The following ATF7 variants were observed in gnomAD, a reference collection of about 807,000 sequenced individuals.
ATF7 encodes activating transcription factor 7.
In ATF7, 10 loss-of-function variants were observed where a neutral mutation model predicts 50.4. The observed-to-expected ratio is 0.20, with a 90% confidence interval of 0.12 to 0.34. The LOEUF is 0.34. Among genes scored for constraint, ATF7 ranks in the 10% least tolerant of loss-of-function variants. The pLI is 1.00. For synonymous variants in ATF7, 201 were observed against 226.4 expected, an observed-to-expected ratio of 0.89 and a Z score of 1.01; for missense variants, 465 against 613.9, an observed-to-expected ratio of 0.76 and a Z score of 2.56.
intron 2 of ATF7, among the ~76,000 whole-genome samples, chr12:53,578,252 T>C (rs1362795820): frequency 6.6e-6 from 1 of 151,176 alleles, no homozygotes; most frequent in Non-Finnish European, 1.5e-5. Context: ...CGTGTACCTA[T>C]AGTCCTAGCT....
chr12:53,580,663 CA>C (rs539252431), intron 2 of ATF7, among the ~76,000 whole-genome samples: 3,649 of 37,706 alleles, frequency 0.097, 46 homozygotes, highest in East Asian at 0.28. Context: ...GACTCCATCT[CA>C]AAAAAAAAAA....
Position 53,552,780 on chromosome 12 carries a change from G to A in ATF7, c.49-143C>T. 3 of 664,160 alleles carry A rather than the reference G, an allele frequency of 4.5e-6. No individual in the cohort carries two copies. In the South Asian group the frequency reaches 5.4e-5, roughly 12 times the overall value. The allele number at this position is 664,160 out of a possible 1,614,324, so 41.1% of individuals were successfully genotyped here. On this transcript the variant is annotated intron_variant, in intron 2 of 11. Transcript: ENST00000420353. Reference sequence around the variant, plus strand: ...GGAGAGGGAGAAAAAACTGGAAGAGGAGAAGAGATGGAGAAAAAAGGGTGC... The same window carrying A: ...GGAGAGGGAGAAAAAACTGGAAGAGAAGAAGAGATGGAGAAAAAAGGGTGC...
At chr12:53,548,969 A>G (rs1210912090) in intron 3 of ATF7, among the ~76,000 whole-genome samples, 1 of 152,054 alleles carries the variant, frequency 6.6e-6, no homozygotes, top group Non-Finnish European at 1.5e-5. Flanking sequence ...TGAGCAACAG[A>G]GCAAGTCTCT....
chr12:53,616,595 C>T (rs2137915156), intron 1 of ATF7, among the ~76,000 whole-genome samples: 1 of 152,220 alleles, frequency 6.6e-6, no homozygotes, highest in South Asian at 2.1e-4. Flanking sequence ...AAACTTTATG[C>T]ACATTCTGGT....
intron 4 of ATF7, among the ~76,000 whole-genome samples, chr12:53,542,107 G>GTTTT (rs1199418506): frequency 3.9e-5 from 4 of 101,450 alleles, no homozygotes; most frequent in Admixed American, 2.4e-4. Flanking sequence ...CGCCTGGCCT[G>GTTTT]TTTTTTTTTT....
intron 9 of ATF7, among the ~76,000 whole-genome samples, chr12:53,529,572 C>A (rs1938718183): frequency 6.7e-6 from 1 of 149,728 alleles, no homozygotes; most frequent in Non-Finnish European, 1.5e-5. Context: ...TCTTGACCTG[C>A]CTTGGCCTCC....
chr12:53,510,062 G>A (rs1489086099), downstream of ATF7, among the ~76,000 whole-genome samples: 7 of 148,190 alleles, frequency 4.7e-5, no homozygotes, highest in Non-Finnish European at 8.9e-5. Flanking sequence ...TTTTTGAGAC[G>A]GAGTTTTGCT....
chr12:53,613,964 G>A (rs1215401154), intron 1 of ATF7, among the ~76,000 whole-genome samples: 1 of 151,954 alleles, frequency 6.6e-6, no homozygotes, highest in Non-Finnish European at 1.5e-5. Flanking sequence ...TGGATTTCAA[G>A]CTCAGACATG....
intron 2 of ATF7, among the ~76,000 whole-genome samples, chr12:53,560,735 C>G (rs1053585545): frequency 2.0e-5 from 3 of 152,062 alleles, no homozygotes; most frequent in African/African-American, 7.2e-5. Flanking sequence ...AATCAGAACT[C>G]TTTAGTTATT....
intron 2 of ATF7, among the ~76,000 whole-genome samples, chr12:53,587,502 C>T (rs1942746632): frequency 6.6e-6 from 1 of 150,890 alleles, no homozygotes; most frequent in African/African-American, 2.4e-5. Context: ...GGTGAAACCC[C>T]ATCTCTACCA....
chr12:53,622,052 G>A (rs1156291698), intron 1 of ATF7, among the ~76,000 whole-genome samples: 1 of 152,032 alleles, frequency 6.6e-6, no homozygotes, highest in Non-Finnish European at 1.5e-5. Flanking sequence ...TGTAATTCCA[G>A]CACTTTGGGA....
At chr12:53,565,117 A>G (rs1941376249) in intron 2 of ATF7, among the ~76,000 whole-genome samples, 1 of 152,074 alleles carries the variant, frequency 6.6e-6, no homozygotes, top group African/African-American at 2.4e-5. Context: ...CTCCTGACAA[A>G]TGTGAAAATT....
At chr12:53,600,848 C>A in intron 2 of ATF7, 105 bp downstream of exon 2, 1 of 1,091,060 alleles carries the variant, frequency 9.2e-7, no homozygotes, top group Non-Finnish European at 1.4e-6. Context: ...CTGATTACCT[C>A]CAGTGATCAC....
At chr12:53,523,073 C>T in intron 11 of ATF7, 1 of 490,386 alleles carries the variant, frequency 2.0e-6, no homozygotes, top group Non-Finnish European at 3.7e-6. Context: ...CCCTTCAACC[C>T]CCAACTATAA....
intron 1 of ATF7, among the ~76,000 whole-genome samples, chr12:53,625,582 T>C (rs1444253180): frequency 1.3e-5 from 2 of 152,168 alleles, no homozygotes; most frequent in Non-Finnish European, 2.9e-5. Context: ...TCCAAATCCA[T>C]ACTTTCTCTC....
rs113574780 is a variant in ATF7 at position 53,552,644 on chromosome 12, C to T, written c.49-7G>A. On this transcript the variant is annotated splice_region_variant and splice_polypyrimidine_tract_variant and intron_variant, in intron 2 of 11. Transcript: ENST00000420353. ...GGTCCTCGTTTGTAAATCTCTGAAACGAAACAGAAATGGAGATATGAAAAA... is the reference window on the plus strand; with the variant it reads ...GGTCCTCGTTTGTAAATCTCTGAAATGAAACAGAAATGGAGATATGAAAAA... 189 of 1,608,736 alleles carry T rather than the reference C, an allele frequency of 1.2e-4. No homozygotes were observed. In the African/African-American group the frequency reaches 1.8e-3, roughly 15 times the overall value.
In ATF7 at chr12:53,543,349, G is replaced by T; in HGVS notation, c.245C>A (p.Ala82Glu). ...SSFEHEFKKA[A>E]DEDEKKAAAG... Reference sequence around the variant, plus strand: ...TCTTGCCTTTTTCTCATCCTCATCTGCAGCTTTCTTGAATTCATGTTCAAA... The same window carrying T: ...TCTTGCCTTTTTCTCATCCTCATCTTCAGCTTTCTTGAATTCATGTTCAAA... The change falls in exon 4 of 12, where the codon GCA becomes GAA. Residue 82 changes from alanine to glutamate, a missense_variant. Transcript: ENST00000420353. The T allele has an allele frequency of 6.3e-7, 1 of 1,592,654 alleles. No homozygotes were observed. Among genetic ancestry groups the T allele is most frequent in the Non-Finnish European group, 8.6e-7 (1 of 1,168,424 alleles).
At chr12:53,612,649 GGGT>G (rs1380371946) in intron 1 of ATF7, among the ~76,000 whole-genome samples, 3 of 152,094 alleles carry the variant, frequency 2.0e-5, no homozygotes. Flanking sequence ...ATCTTTCAGG[GGGT>G]TCATGAAGGT....
At position 53,524,785 on chromosome 12, in the gene ATF7, G is replaced by A. The variant is rs747239487; in HGVS notation, c.928-24C>T. 1.3e-6 allele frequency: 2 copies of A among 1,549,738 alleles called. No individual in the cohort carries two copies. The highest frequency in any genetic ancestry group is 4.0e-5 in the Admixed American group (2 of 50,166). ...ACCTGGTGCCCAGGAAGGAAGAGAG[G>A]TTACTTGATGGGAACATTAATCCTT... is the stretch of plus-strand genomic sequence containing the variant. On this transcript the variant is annotated intron_variant, in intron 9 of 11. Transcript: ENST00000420353. This position sits in a 1 kb window ranked among gnomAD's most constrained non-coding sequence, Gnocchi z 4.6.
Sources: gnomAD v4.1 joint callset for allele counts (sites outside exome capture counted in the v4.1 genomes callset) on GRCh38, gnomAD v4.1.1 for gene constraint, Gnocchi (gnomAD v3.1) non-coding constraint, MANE v1.5 for transcripts, NCBI Gene and HGNC (gene_info 2026-07-23, HGNC 2026-07-21) for gene names.